CCNY: variants seen among roughly 807,000 people sequenced by gnomAD.
CCNY encodes the protein cyclin Y.
In CCNY, 19 loss-of-function variants were observed where a neutral mutation model predicts 42.8. The ratio of observed to expected loss-of-function variants is 0.44; its 90% CI spans 0.31 to 0.65. The LOEUF (loss-of-function observed/expected upper bound fraction) is 0.65. CCNY is among the 30% of genes least tolerant of loss of function. The pLI is 0.07. For missense variants in CCNY, 370 were observed against 437.3 expected, an observed-to-expected ratio of 0.85 and a Z score of 1.37; for synonymous variants, 165 against 162.7, an observed-to-expected ratio of 1.01 and a Z score of -0.11.
intron 2 of CCNY, among the ~76,000 whole-genome samples, chr10:35,496,594 G>A (rs1200733505): frequency 6.6e-6 from 1 of 152,148 alleles, no homozygotes; most frequent in African/African-American, 2.4e-5. Flanking sequence ...ACTTTGGGGG[G>A]TGCTGAGACA....
chr10:35,263,152 C>G (rs772919510), intron 3 of CCNY, among the ~76,000 whole-genome samples: 2 of 151,666 alleles, frequency 1.3e-5, no homozygotes, highest in South Asian at 2.1e-4. Flanking sequence ...GTTAGGGGAT[C>G]GAGGCCATCC....
intron 1 of CCNY, among the ~76,000 whole-genome samples, chr10:35,396,371 A>G (rs1278624299): frequency 1.3e-5 from 2 of 151,942 alleles, no homozygotes; most frequent in East Asian, 1.9e-4. Flanking sequence ...TCTGCTCCCC[A>G]CCCTACAGCT....
At chr10:35,297,423 C>T (rs990390316) in intron 3 of CCNY, among the ~76,000 whole-genome samples, 47 of 152,264 alleles carry the variant, frequency 3.1e-4, no homozygotes, top group African/African-American at 1.0e-3. Context: ...AAGCTGGAAG[C>T]ATTCCCCTTG....
At chr10:35,355,667 G>A (rs1836529998) in intron 1 of CCNY, among the ~76,000 whole-genome samples, 1 of 75,334 alleles carries the variant, frequency 1.3e-5, no homozygotes, top group South Asian at 5.0e-4. Context: ...AACAGAGCAA[G>A]ATACTGTCTC....
intron 8 of CCNY, among the ~76,000 whole-genome samples, chr10:35,556,381 G>A (rs1841363133): frequency 6.6e-6 from 1 of 152,202 alleles, no homozygotes; most frequent in Non-Finnish European, 1.5e-5. Context: ...CAGGCCCTGA[G>A]TAGGCAAAGT....
At chr10:35,441,129 A>G (rs1182873607) in intron 1 of CCNY, among the ~76,000 whole-genome samples, 1 of 152,214 alleles carries the variant, frequency 6.6e-6, no homozygotes, top group Non-Finnish European at 1.5e-5. Context: ...CCCATGTGGT[A>G]TGAGGGTCAG....
intron 7 of CCNY, among the ~76,000 whole-genome samples, chr10:35,537,680 A>T (rs1339209078): frequency 6.6e-6 from 1 of 151,952 alleles, no homozygotes; most frequent in Non-Finnish European, 1.5e-5. Flanking sequence ...GTTTTGGCCA[A>T]TTTTTCCCCT....
At chr10:35,473,156 T>C (rs528136278) in intron 1 of CCNY, among the ~76,000 whole-genome samples, 2 of 152,246 alleles carry the variant, frequency 1.3e-5, no homozygotes, top group Non-Finnish European at 2.9e-5. Context: ...TGATGTGTCA[T>C]GTACTTCATC....
At chr10:35,534,954 TACACAC>T (rs58564724) in intron 7 of CCNY, among the ~76,000 whole-genome samples, 10 of 139,446 alleles carry the variant, frequency 7.2e-5, no homozygotes, top group Admixed American at 2.2e-4. Context: ...TGGGGATACA[TACACAC>T]ACACACACAC....
chr10:35,430,336 C>CAAA (rs397954370), intron 1 of CCNY, among the ~76,000 whole-genome samples: 18,196 of 55,276 alleles, frequency 0.33, 3,899 homozygotes, highest in East Asian at 0.36. Context: ...GACTCCGTCT[C>CAAA]AAAAAAAAAA....
intron 1 of CCNY, among the ~76,000 whole-genome samples, chr10:35,433,584 A>G (rs1697472291): frequency 6.6e-6 from 1 of 152,212 alleles, no homozygotes; most frequent in Admixed American, 6.5e-5. Flanking sequence ...TGTATGATAC[A>G]TGTATTAGTC....
chr10:35,566,806 AG>A, intron 9 of CCNY, among the ~76,000 whole-genome samples: 1 of 152,132 alleles, frequency 6.6e-6, no homozygotes, highest in East Asian at 1.9e-4. Context: ...CCTGGGTTCA[AG>A]TGATTCTTCT....
At chr10:35,457,111 C>T (rs1327770623) in intron 1 of CCNY, among the ~76,000 whole-genome samples, 2 of 152,164 alleles carry the variant, frequency 1.3e-5, no homozygotes, top group Non-Finnish European at 2.9e-5. Flanking sequence ...CTGTATTTGT[C>T]CTGAATTACA....
chr10:35,281,060 C>A (rs1385718262), intron 3 of CCNY, among the ~76,000 whole-genome samples: 1 of 152,108 alleles, frequency 6.6e-6, no homozygotes, highest in Non-Finnish European at 1.5e-5. Context: ...CACTTCACAC[C>A]CACTGGCATG....
intron 3 of CCNY, among the ~76,000 whole-genome samples, chr10:35,504,667 C>T (rs924992402): frequency 2.0e-5 from 3 of 151,990 alleles, no homozygotes; most frequent in African/African-American, 7.3e-5. Context: ...GATGGAGTCT[C>T]GCTCTGTCAC....
intron 1 of CCNY, among the ~76,000 whole-genome samples, chr10:35,357,060 C>T (rs1836569344): frequency 6.6e-6 from 1 of 151,988 alleles, no homozygotes; most frequent in Non-Finnish European, 1.5e-5. Flanking sequence ...TTCTGCCCTG[C>T]ATGCTCTTCC....
intron 7 of CCNY, among the ~76,000 whole-genome samples, chr10:35,531,985 T>A (rs1840779025): frequency 6.6e-6 from 1 of 152,268 alleles, no homozygotes; most frequent in African/African-American, 2.4e-5. Context: ...TTCTTGTGAA[T>A]AATTGTAACT....
At chr10:35,398,098 G>A (rs1837563863) in intron 1 of CCNY, among the ~76,000 whole-genome samples, 2 of 152,180 alleles carry the variant, frequency 1.3e-5, no homozygotes, top group Non-Finnish European at 2.9e-5. Flanking sequence ...GCTTCCTGGG[G>A]CCCGTGGAGG....
chr10:35,433,894 G>A (rs1167818518), intron 1 of CCNY, among the ~76,000 whole-genome samples: 2 of 152,212 alleles, frequency 1.3e-5, no homozygotes, highest in Admixed American at 1.3e-4. Context: ...ACAGGCGTGA[G>A]CCACTGCACC....
Sources: gnomAD v4.1 joint callset for allele counts (sites outside exome capture counted in the v4.1 genomes callset) on GRCh38, gnomAD v4.1.1 for gene constraint, MANE v1.5 for transcripts, NCBI Gene and HGNC (gene_info 2026-07-23, HGNC 2026-07-21) for gene names.